HSF2BP: variants seen among roughly 807,000 people sequenced by gnomAD.
HSF2BP encodes the protein heat shock transcription factor 2 binding protein.
Under a neutral mutation model 35.0 loss-of-function variants are expected in HSF2BP, and 35 were observed. The ratio of observed to expected loss-of-function variants is 1.00; its 90% CI spans 0.76 to 1.32. The LOEUF (loss-of-function observed/expected upper bound fraction) is 1.32. HSF2BP is among the 40% of genes most tolerant of loss of function. HSF2BP has a pLI of 0.00. For synonymous variants in HSF2BP, 114 were observed against 117.4 expected, an observed-to-expected ratio of 0.97 and a Z score of 0.18; for missense variants, 326 against 321.7, an observed-to-expected ratio of 1.01 and a Z score of -0.10.
At chr21:43,612,271 T>C (rs8134178) in intron 7 of HSF2BP, among the ~76,000 whole-genome samples, 5,664 of 152,088 alleles carry the variant, frequency 0.037, 177 homozygotes, top group East Asian at 0.093. Flanking sequence ...TCAACTCTCA[T>C]GGGAAAAAAC....
intron 8 of HSF2BP, among the ~76,000 whole-genome samples, chr21:43,591,934 A>G (rs2081930517): frequency 1.3e-5 from 2 of 152,322 alleles, no homozygotes; most frequent in South Asian, 2.1e-4. Context: ...CTGTTGTCCA[A>G]GTAACCCTTA....
At chr21:43,467,827 ACACACAC>A in the HSF2BP span, among the ~76,000 whole-genome samples, 8 of 131,352 alleles carry the variant, frequency 6.1e-5, no homozygotes, top group Non-Finnish European at 1.3e-4. Context: ...CACACACACC[ACACACAC>A]CACACACCAC....
intron 8 of HSF2BP, among the ~76,000 whole-genome samples, chr21:43,585,470 A>C (rs896777272): frequency 6.6e-6 from 1 of 152,092 alleles, no homozygotes; most frequent in African/African-American, 2.4e-5. Flanking sequence ...ACCCAAGGTG[A>C]TGGTGGCTCA....
chr21:43,638,248 A>G (rs895379995), intron 4 of HSF2BP, among the ~76,000 whole-genome samples: 2 of 152,184 alleles, frequency 1.3e-5, no homozygotes, highest in Non-Finnish European at 2.9e-5. Flanking sequence ...ACTTGAGGTC[A>G]GGAATTCGAG....
At chr21:43,614,041 A>C (rs941881832) in intron 6 of HSF2BP, 94 bp from the exon 7 acceptor site, 5 of 866,834 alleles carry the variant, frequency 5.8e-6, no homozygotes, top group Middle Eastern at 4.4e-4. Flanking sequence ...TAAAAGACCT[A>C]ATGAAAACAC....
At chr21:43,654,264 G>C (rs1159566241) in intron 3 of HSF2BP, among the ~76,000 whole-genome samples, 10 of 152,202 alleles carry the variant, frequency 6.6e-5, no homozygotes, top group Non-Finnish European at 1.5e-4. Flanking sequence ...CAAGTAAGAA[G>C]ATCCCACTCT....
At chr21:43,649,566 A>G (rs2082755148) in intron 3 of HSF2BP, among the ~76,000 whole-genome samples, 2 of 152,186 alleles carry the variant, frequency 1.3e-5, no homozygotes, top group African/African-American at 4.8e-5. Context: ...AAACATATAA[A>G]CAAATTTTAA....
intron 4 of HSF2BP, 69 bp downstream of exon 4, chr21:43,644,220 T>A: frequency 8.9e-7 from 1 of 1,123,480 alleles, no homozygotes; most frequent in Non-Finnish European, 1.4e-6. Context: ...CCACTGCTTA[T>A]CATAAGTGAA....
chr21:43,657,197 T>C (rs2082882371), intron 2 of HSF2BP, among the ~76,000 whole-genome samples: 1 of 152,120 alleles, frequency 6.6e-6, no homozygotes, highest in East Asian at 1.9e-4. Flanking sequence ...ATGGTGAAAC[T>C]CCATCTCACT....
chr21:43,646,581 T>C (rs750810222), intron 3 of HSF2BP, among the ~76,000 whole-genome samples: 4 of 152,250 alleles, frequency 2.6e-5, no homozygotes, highest in African/African-American at 4.8e-5. Context: ...AGCCTTATCA[T>C]GTGTAAAAAC....
At chr21:43,629,522 G>A (rs542704784) in intron 6 of HSF2BP, among the ~76,000 whole-genome samples, 20 of 152,296 alleles carry the variant, frequency 1.3e-4, no homozygotes, top group Admixed American at 3.9e-4. Flanking sequence ...CCGAGATCAC[G>A]CCGTTGCACT....
At chr21:43,606,376 C>A (rs965219634) in intron 7 of HSF2BP, among the ~76,000 whole-genome samples, 2 of 152,112 alleles carry the variant, frequency 1.3e-5, no homozygotes, top group African/African-American at 4.8e-5. Flanking sequence ...GTGATGCACA[C>A]TGGGGCTGGG....
chr21:43,655,799 T>A (rs2082859520), intron 3 of HSF2BP, among the ~76,000 whole-genome samples: 1 of 152,200 alleles, frequency 6.6e-6, no homozygotes, highest in Non-Finnish European at 1.5e-5. Context: ...GGATGAGAAC[T>A]GTCCCTTCTA....
rs550271581 is a variant in HSF2BP at position 43,609,692 on chromosome 21, G to T, written c.692+4138C>A. 1.2e-4 allele frequency among the ~76,000 whole-genome samples: 18 copies of T among 152,238 alleles called. 1 individual carries two copies. In the South Asian group the frequency reaches 3.7e-3, roughly 32 times the overall value. ...GTTAGTGAAGTGGGGGAGGTGAAAA[G>T]AGGGGAGAAGAGTGCCTTGGAGATG... is the stretch of plus-strand genomic sequence containing the variant. On this transcript the variant is annotated intron_variant, in intron 7 of 8. Transcript: ENST00000291560.
intron 8 of HSF2BP, among the ~76,000 whole-genome samples, chr21:43,583,988 T>C (rs1240963017): frequency 4.3e-5 from 5 of 117,086 alleles, no homozygotes; most frequent in Admixed American, 8.4e-5. Context: ...AAGGGCCTGC[T>C]GAGGGAGATG....
chr21:43,595,649 C>A (rs1476901877), intron 7 of HSF2BP, among the ~76,000 whole-genome samples: 1 of 148,914 alleles, frequency 6.7e-6, no homozygotes, highest in East Asian at 2.0e-4. Flanking sequence ...CAGAGCAAGA[C>A]CCTATCTCAA....
chr21:43,588,427 C>T (rs551630664), intron 8 of HSF2BP, among the ~76,000 whole-genome samples: 1 of 152,128 alleles, frequency 6.6e-6, no homozygotes, highest in Admixed American at 6.5e-5. Context: ...CTAAGGCTTC[C>T]ACCCGAGACA....
At chr21:43,627,809 C>G (rs1428476127) in intron 6 of HSF2BP, among the ~76,000 whole-genome samples, 1 of 152,156 alleles carries the variant, frequency 6.6e-6, no homozygotes, top group East Asian at 1.9e-4. Context: ...TTGAGCAAGT[C>G]TGTTGGTGCC....
intron 7 of HSF2BP, among the ~76,000 whole-genome samples, chr21:43,596,385 A>AAT (rs925835854): frequency 2.0e-5 from 3 of 149,068 alleles, no homozygotes; most frequent in African/African-American, 7.7e-5. Flanking sequence ...ATGCTAGTGA[A>AAT]ATACACACAC....
Sources: gnomAD v4.1 joint callset for allele counts (sites outside exome capture counted in the v4.1 genomes callset) on GRCh38, gnomAD v4.1.1 for gene constraint, MANE v1.5 for transcripts, NCBI Gene and HGNC (gene_info 2026-07-23, HGNC 2026-07-21) for gene names.